The following ABCA4 variants were observed in gnomAD, a reference collection of about 807,000 sequenced individuals.
ABCA4 encodes the protein ATP binding cassette subfamily A member 4, also known as retinal-specific phospholipid-transporting ATPase ABCA4.
In ABCA4, 196 loss-of-function variants were observed where a neutral mutation model predicts 263.7. The ratio of observed to expected loss-of-function variants is 0.74; its 90% CI spans 0.66 to 0.84. The LOEUF (loss-of-function observed/expected upper bound fraction) is 0.84, where lower values mean the gene tolerates loss of function less well. ABCA4 is among the 40% of genes least tolerant of loss of function. The pLI is 0.00. For synonymous variants in ABCA4, 1,133 were observed against 1,094.2 expected, an observed-to-expected ratio of 1.04 and a Z score of -0.70; for missense variants, 2,792 against 2,855.1, an observed-to-expected ratio of 0.98 and a Z score of 0.50.
At chr1:94,013,766 C>A (rs1300504566) in intron 38 of ABCA4, among the ~76,000 whole-genome samples, 1 of 152,178 alleles carries the variant, frequency 6.6e-6, no homozygotes, top group Non-Finnish European at 1.5e-5. Flanking sequence ...GCATGGAGAA[C>A]ACCCAGTCTC....
intron 26 of ABCA4, 55 bp downstream of exon 26, chr1:94,036,685 T>C: frequency 6.3e-7 from 1 of 1,582,490 alleles, no homozygotes; most frequent in East Asian, 2.2e-5. Flanking sequence ...ACTTTCGAGA[T>C]GGAACTTGGG....
intron 11 of ABCA4, among the ~76,000 whole-genome samples, chr1:94,068,063 T>C (rs1201895953): frequency 6.6e-6 from 1 of 152,220 alleles, no homozygotes; most frequent in African/African-American, 2.4e-5. Flanking sequence ...GGAGCTATTT[T>C]CTTTAAATAA....
At chr1:93,999,384 C>G (rs1185389876) in intron 47 of ABCA4, among the ~76,000 whole-genome samples, 2 of 152,218 alleles carry the variant, frequency 1.3e-5, no homozygotes, top group African/African-American at 4.8e-5. Context: ...GATCCCAAGA[C>G]TGCCCATAAA....
Position 94,080,593 on chromosome 1 carries a change from C to T in ABCA4, c.984G>A (p.Glu328=). ...AGGAGAGCACCCGAGAGCCACCTCC[C>T]TCGGGGTAGCCACACAGGAGGTCAG... ...ILSDLLCGYP[E]GGGSRVLSFN... Residue 328 remains glutamate (E), a synonymous_variant, in exon 8 of 50, where the codon GAG becomes GAA. Transcript: ENST00000370225. 6.2e-7 allele frequency: 1 copy of T among 1,614,172 alleles called. No individual in the cohort carries two copies. The highest frequency in any genetic ancestry group is 8.5e-7 in the Non-Finnish European group (1 of 1,180,036).
rs61752435 is a variant in ABCA4, at chr1:94,025,050, T to C, written c.4540-2A>G. 1.9e-6 allele frequency: 3 copies of C among 1,613,668 alleles called. No individual in the cohort carries two copies. The highest frequency in any genetic ancestry group is 2.5e-6 in the Non-Finnish European group (3 of 1,179,524). Reference sequence around the variant, plus strand: ...AATTTCCGTGCTGCGCTGTGTTCTCTGAGGCAATGAGACACCCACGTTAAT... The same window carrying C: ...AATTTCCGTGCTGCGCTGTGTTCTCCGAGGCAATGAGACACCCACGTTAAT... On this transcript the variant is annotated splice_acceptor_variant, in intron 30 of 49. Transcript: ENST00000370225. LOFTEE classifies it high-confidence loss of function.
At chr1:94,064,628 C>G (rs1661216458) in intron 11 of ABCA4, among the ~76,000 whole-genome samples, 1 of 152,178 alleles carries the variant, frequency 6.6e-6, no homozygotes, top group South Asian at 2.1e-4. Flanking sequence ...ATCAGAATCT[C>G]TAGTGGCAGG....
intron 4 of ABCA4, among the ~76,000 whole-genome samples, chr1:94,104,376 C>A (rs879415837): frequency 6.6e-6 from 1 of 152,134 alleles, no homozygotes; most frequent in Non-Finnish European, 1.5e-5. Context: ...CATCACATGT[C>A]CCCATTCTTT....
chr1:94,090,759 C>T (rs1449199710), intron 6 of ABCA4, among the ~76,000 whole-genome samples: 6 of 152,158 alleles, frequency 3.9e-5, no homozygotes, highest in Non-Finnish European at 8.8e-5. Context: ...ATCTTCTGGG[C>T]ATGGTACACA....
chr1:94,111,383 C>T, intron 3 of ABCA4, 55 bp downstream of exon 3: 2 of 1,601,914 alleles, frequency 1.2e-6, no homozygotes, highest in South Asian at 1.1e-5. Flanking sequence ...TGCATTTCAG[C>T]ACGTGAAGGG....
At chr1:94,009,639 CT>C (rs1318314038) in intron 40 of ABCA4, among the ~76,000 whole-genome samples, 2 of 152,184 alleles carry the variant, frequency 1.3e-5, no homozygotes, top group African/African-American at 4.8e-5. Context: ...CTTCCCCATT[CT>C]TAAAGACACA....
In ABCA4 at chr1:94,060,798, T is replaced by A. The variant is rs374028736; in HGVS notation, c.1938-39A>T. 6.8e-6 allele frequency: 10 copies of A among 1,469,530 alleles called. No individual in the cohort carries two copies. The African/African-American group carries it at 1.4e-4, about 21-fold the overall frequency. The allele number at this position is 1,469,530 out of a possible 1,614,324, so 91.0% of individuals were successfully genotyped here. ...AGAGAAGCAGAATAGTAGAGTGCTC[T>A]GTACCTGGTAGAGGCAGAATAAATG... On this transcript the variant is annotated intron_variant, in intron 13 of 49. Transcript: ENST00000370225.
chr1:94,002,362 C>T (rs1041329721), intron 44 of ABCA4, among the ~76,000 whole-genome samples: 1 of 152,230 alleles, frequency 6.6e-6, no homozygotes, highest in African/African-American at 2.4e-5. Context: ...CCTGTTGATC[C>T]CACCCGTCAA....
At chr1:94,111,390 A>C in intron 3 of ABCA4, 48 bp downstream of exon 3, 1 of 1,606,218 alleles carries the variant, frequency 6.2e-7, no homozygotes, top group East Asian at 2.2e-5. Context: ...CAGCACGTGA[A>C]GGGGTGTGCA....
chr1:94,118,858 T>G (rs1188073117), intron 1 of ABCA4, among the ~76,000 whole-genome samples: 1 of 152,242 alleles, frequency 6.6e-6, no homozygotes, highest in Non-Finnish European at 1.5e-5. Context: ...AACAGGGTTA[T>G]TCTCTGTCAC....
chr1:94,116,136 A>G (rs1662751778), intron 1 of ABCA4, among the ~76,000 whole-genome samples: 2 of 152,182 alleles, frequency 1.3e-5, no homozygotes, highest in African/African-American at 4.8e-5. Context: ...AGGCACGGTG[A>G]CTTAAAGGCC....
intron 36 of ABCA4, 128 bp downstream of exon 36, chr1:94,019,454 G>T: frequency 9.5e-7 from 1 of 1,055,906 alleles, no homozygotes; most frequent in Non-Finnish European, 1.4e-6. Context: ...CAAGGCCCTT[G>T]GCCCAGTGCC....
At chr1:94,041,161 G>A in intron 23 of ABCA4, 48 bp downstream of exon 23, 4 of 1,602,522 alleles carry the variant, frequency 2.5e-6, no homozygotes, top group Non-Finnish European at 3.4e-6. Flanking sequence ...CCCGTGCTGT[G>A]TGCTCCTTCT....
chr1:94,107,608 C>G (rs1557807859), intron 4 of ABCA4, among the ~76,000 whole-genome samples: 1 of 152,192 alleles, frequency 6.6e-6, no homozygotes, highest in Admixed American at 6.5e-5. Context: ...CTTCCTGACT[C>G]CAGGTGGCTC....
At chr1:94,062,371 C>G (rs912826960) in intron 13 of ABCA4, among the ~76,000 whole-genome samples, 46 of 152,182 alleles carry the variant, frequency 3.0e-4, no homozygotes, top group Middle Eastern at 6.8e-3. Flanking sequence ...TTCCCTTTCC[C>G]ACCACTGCAC....
Sources: gnomAD v4.1 joint callset for allele counts (sites outside exome capture counted in the v4.1 genomes callset) on GRCh38, gnomAD v4.1.1 for gene constraint, MANE v1.5 for transcripts, NCBI Gene and HGNC (gene_info 2026-07-23, HGNC 2026-07-21) for gene names.